HID1: variants seen among roughly 807,000 people sequenced by gnomAD.
The protein encoded by HID1 is HID1 domain containing, also known as protein HID1.
Under a neutral mutation model 89.7 loss-of-function variants are expected in HID1, and 42 were observed. That is an observed-to-expected ratio of 0.47 (90% CI 0.37 to 0.61). The LOEUF (loss-of-function observed/expected upper bound fraction) is 0.61. Among genes scored for constraint, HID1 ranks in the 20% least tolerant of loss-of-function variants. The pLI is 0.00. For missense variants in HID1, 854 were observed against 1,039.3 expected (o/e 0.82, Z 2.45); for synonymous variants, 442 against 433.8 (o/e 1.02, Z -0.24).
rs1435046178 is a variant in HID1, at chr17:74,952,988, C to A, written c.2052+18G>T. On this transcript the variant is annotated intron_variant, in intron 16 of 18. Transcript: ENST00000425042. ...CAAACCCCAGCCCCCGCTCGCCTGG[C>A]ACAGGGTCCCTCCTCACCCACTCTG... 3 of 1,589,576 alleles carry A rather than the reference C, an allele frequency of 1.9e-6. No individual in the cohort carries two copies. Among genetic ancestry groups the A allele is most frequent in the South Asian group, 2.3e-5 (2 of 87,636 alleles).
At chr17:74,965,562 TC>T (rs1356824612) in intron 1 of HID1, among the ~76,000 whole-genome samples, 15 of 152,062 alleles carry the variant, frequency 9.9e-5, no homozygotes, top group Admixed American at 1.3e-4. Context: ...TCTTCCCCCT[TC>T]CCCTTTTCCC....
chr17:74,966,393 CAT>C (rs150349239), intron 1 of HID1, among the ~76,000 whole-genome samples: 6,424 of 151,582 alleles, frequency 0.042, 396 homozygotes, highest in African/African-American at 0.14. Context: ...TGTAAGAGCA[CAT>C]GTTACTATTT....
In HID1 at chr17:74,962,979, G is replaced by A. The variant is rs200188260; in HGVS notation, c.490C>T (p.Arg164Trp). 627 of 1,612,118 alleles carry A rather than the reference G, an allele frequency of 3.9e-4. 1 individual carries two copies. The highest frequency in any genetic ancestry group is 4.5e-4 in the Non-Finnish European group (528 of 1,178,706). Residue 164 changes from arginine (R) to tryptophan (W), a missense_variant, in exon 4 of 19, where the codon CGG (arginine) becomes TGG (tryptophan). Arg to Trp is a moderately radical substitution (Grantham distance 101). Coordinates refer to ENST00000425042, the MANE Select transcript of HID1 (RefSeq NM_030630.3). This position sits in a 1 kb window ranked among gnomAD's most constrained non-coding sequence, Gnocchi z 4.3. ...GGGACACTCACCACAGTGCTCCTCC[G>A]GTGGCTCTGAACCGTGAAGTCCGGG... ...FCPDFTVQSHRRSTVDSAEDV... is the reference protein window; with the variant it reads ...FCPDFTVQSHWRSTVDSAEDV...
In HID1 at chr17:74,953,032, C is replaced by T; in HGVS notation, c.2026G>A (p.Gly676Arg). The change falls in exon 16 of 19, where the codon GGG (glycine) becomes AGG (arginine). Residue 676 changes from glycine to arginine, a missense_variant. Transcript: ENST00000425042. ...CACTCTGGCGTTGGGCTCCACTGCC[C>T]ACTGGCTGATGAGGTGGACGGTCGC... ...QRRPSTSSAS[G>R]QWSPTPEWVL... The T allele has an allele frequency of 1.9e-6, 3 of 1,609,320 alleles. No homozygotes were observed. The highest frequency in any genetic ancestry group is 1.1e-5 in the South Asian group (1 of 90,138).
Position 74,964,727 on chromosome 17 carries a change from G to A in HID1, c.67-95C>T. On this transcript the variant is annotated intron_variant, in intron 1 of 18. Coordinates refer to ENST00000425042, the MANE Select transcript of HID1 (RefSeq NM_030630.3). ...GGCCAGGAGAGACCCTGAGAGGGAA[G>A]CCAGAGTCCCCCTACCTGCTGGGGT... 5 of 1,319,290 alleles carry A rather than the reference G, an allele frequency of 3.8e-6. 1 individual carries two copies. In the South Asian group the frequency reaches 7.0e-5, roughly 19 times the overall value. The allele number at this position is 1,319,290 out of a possible 1,614,324, so 81.7% of individuals were successfully genotyped here.
chr17:74,964,939 C>A (rs1050412171), intron 1 of HID1, among the ~76,000 whole-genome samples: 1 of 152,234 alleles, frequency 6.6e-6, no homozygotes, highest in Non-Finnish European at 1.5e-5. Flanking sequence ...CCTGGCAAAG[C>A]AGGCTGACCT....
Position 74,960,935 on chromosome 17 carries a change from C to T in HID1, c.729-687G>A, listed in dbSNP as rs560096289. Among the ~76,000 whole-genome samples the T allele has an allele frequency of 2.6e-5, 4 of 152,262 alleles. No homozygotes were observed. In the East Asian group the frequency reaches 5.8e-4, roughly 22 times the overall value. On this transcript the variant is annotated intron_variant, in intron 6 of 18. Transcript: ENST00000425042. ...CAACTCTGCCACGTGGCACGTGTGACACCCTCCCCCCACCCCGTGCTCACG... is the reference window on the plus strand; with the variant it reads ...CAACTCTGCCACGTGGCACGTGTGATACCCTCCCCCCACCCCGTGCTCACG...
intron 13 of HID1, 162 bp from the exon 14 acceptor site, chr17:74,954,527 C>G (rs2039359328): frequency 9.6e-6 from 12 of 1,248,418 alleles, no homozygotes; most frequent in Non-Finnish European, 1.3e-5. Context: ...TGGGGCAGGG[C>G]TGGCACTGGC....
At position 74,954,264 on chromosome 17, in the gene HID1, G is replaced by C. The variant is rs755371574; in HGVS notation, c.1738C>G (p.Arg580Gly). Residue 580 changes from arginine (R) to glycine (G), a missense_variant, in exon 14 of 19, where the codon CGG becomes GGG. Physicochemically the swap from Arg to Gly is moderately radical, Grantham distance 125. Transcript: ENST00000425042. Reference sequence around the variant, plus strand: ...AAGGGCTCAGGTGTCCGCCGGCGCCGCTGCAGGGCCTTGTGAATGGTGGGC... The same window carrying C: ...AAGGGCTCAGGTGTCCGCCGGCGCCCCTGCAGGGCCTTGTGAATGGTGGGC... ...DPPTIHKALQRRRRTPEPLSR... is the reference protein window; with the variant it reads ...DPPTIHKALQGRRRTPEPLSR... The C allele has an allele frequency of 6.3e-7, 1 of 1,587,150 alleles. No individual in the cohort carries two copies. The highest frequency in any genetic ancestry group is 8.6e-7 in the Non-Finnish European group (1 of 1,167,562).
In HID1 at chr17:74,951,003, C is replaced by CCA. The variant is rs981971361; in HGVS notation, c.*565_*566dup. 1.3e-5 allele frequency: 2 copies of CCA among 153,716 alleles called. No individual in the cohort carries two copies. The highest frequency in any genetic ancestry group is 2.9e-5 in the Non-Finnish European group (2 of 69,184). 9.5% of individuals were successfully genotyped at this position (153,716 alleles called of 1,614,324 possible). On this transcript the variant is annotated 3_prime_UTR_variant, in exon 19 of 19. Transcript: ENST00000425042. Reference sequence around the variant, plus strand: ...AATATAGCAGGAGACCCTCACCACCCCACACCATGCCCCAAGGATACGGGA... The same window carrying CCA: ...AATATAGCAGGAGACCCTCACCACCCCACACACCATGCCCCAAGGATACGGGA...
chr17:74,951,946 G>A lies in HID1; in HGVS notation c.2262C>T (p.Ala754=). 1 of 1,558,708 alleles carries A rather than the reference G, an allele frequency of 6.4e-7. No individual in the cohort carries two copies. Among genetic ancestry groups the A allele is most frequent in the Non-Finnish European group, 8.7e-7 (1 of 1,151,996 alleles). Residue 754 remains alanine, a synonymous_variant, in exon 18 of 19, where the codon GCC becomes GCT. Transcript: ENST00000425042. The part of the protein sequence containing the change: ...IRKYQANSGT[A]MWFRTYMWGV... ...CCCACATGTAGGTGCGGAACCACATGGCAGTGCCCGAGTTGGCCTGGTACT... is the reference window on the plus strand; with the variant it reads ...CCCACATGTAGGTGCGGAACCACATAGCAGTGCCCGAGTTGGCCTGGTACT...
intron 12 of HID1, among the ~76,000 whole-genome samples, chr17:74,956,431 G>C (rs1436418414): frequency 6.6e-6 from 1 of 152,178 alleles, no homozygotes; most frequent in Admixed American, 6.5e-5. Context: ...AACCCTGGGG[G>C]CACACCCAGA....
In HID1 at chr17:74,955,907, C is replaced by G. The variant is rs1053774205; in HGVS notation, c.1521G>C (p.Leu507=). 1 of 1,614,114 alleles carries G rather than the reference C, an allele frequency of 6.2e-7. No individual in the cohort carries two copies. The highest frequency in any genetic ancestry group is 8.5e-7 in the Non-Finnish European group (1 of 1,179,984). Reference sequence around the variant, plus strand: ...TGGTGGAGAAGGCCTCCAGCAGGTGCAGCAACTTGTTGGCAGTCACCATGG... The same window carrying G: ...TGGTGGAGAAGGCCTCCAGCAGGTGGAGCAACTTGTTGGCAGTCACCATGG... ...SLSMVTANKL[L]HLLEAFSTTW... is the part of the protein sequence containing the mutation. Residue 507 remains leucine (L), a synonymous_variant, in exon 13 of 19, where the codon CTG becomes CTC. Coordinates refer to ENST00000425042, the MANE Select transcript of HID1 (RefSeq NM_030630.3).
chr17:74,962,054 A>T lies in HID1; in HGVS notation c.612-65T>A, dbSNP rs2039489673. The T allele has an allele frequency of 3.8e-6, 5 of 1,300,778 alleles. No individual in the cohort carries two copies. The allele number at this position is 1,300,778 out of a possible 1,614,324, so 80.6% of individuals were successfully genotyped here. The stretch of plus-strand genomic sequence containing the variant: ...CCCCTCTTGGAGGTTCTGCCCACCC[A>T]GCCCAGCGCCCCAGCCCAGGTCCAT... On this transcript the variant is annotated intron_variant, in intron 5 of 18. Coordinates refer to ENST00000425042, the MANE Select transcript of HID1 (RefSeq NM_030630.3). This position sits in a 1 kb window ranked among gnomAD's most constrained non-coding sequence, Gnocchi z 4.3.
Position 74,962,084 on chromosome 17 carries a change from G to T in HID1, c.612-95C>A. On this transcript the variant is annotated intron_variant, in intron 5 of 18. Coordinates refer to ENST00000425042, the MANE Select transcript of HID1 (RefSeq NM_030630.3). This position sits in a 1 kb window ranked among gnomAD's most constrained non-coding sequence, Gnocchi z 4.3. The stretch of plus-strand genomic sequence containing the variant: ...AGCGCCCCAGCCCAGGTCCATGGAA[G>T]GAAGTTACTCCCGTTGACCCCTGTA... 1.7e-6 allele frequency: 2 copies of T among 1,148,538 alleles called. No individual in the cohort carries two copies. The highest frequency in any genetic ancestry group is 2.4e-6 in the Non-Finnish European group (2 of 819,604). 71.1% of individuals were successfully genotyped at this position (1,148,538 alleles called of 1,614,324 possible). A position where few individuals can be genotyped will look rare whatever the true frequency, so the allele number is the denominator to read the frequency against.
intron 1 of HID1, among the ~76,000 whole-genome samples, chr17:74,967,650 G>A (rs1282376988): frequency 9.9e-5 from 15 of 151,976 alleles, no homozygotes; most frequent in Non-Finnish European, 4.4e-5. Flanking sequence ...AGGAGTTTGA[G>A]ACCAGCCTGA....
Position 74,962,172 on chromosome 17 carries a change from T to TGTGCGGGGGCCCG in HID1, c.611+49_611+61dup. On this transcript the variant is annotated intron_variant, in intron 5 of 18. Transcript: ENST00000425042. The surrounding 1 kb of genome is among the most constrained non-coding windows in gnomAD (Gnocchi z 4.3). ...GGAAGACCCCATGGGCTTTCTGAGC[T>TGTGCGGGGGCCCG]GTGCGGGGGCCCGGCCCGGGGTCCA... 1 of 1,401,900 alleles carries TGTGCGGGGGCCCG rather than the reference T, an allele frequency of 7.1e-7. No individual in the cohort carries two copies. The highest frequency in any genetic ancestry group is 1.4e-5 in the African/African-American group (1 of 70,092). The allele number at this position is 1,401,900 out of a possible 1,614,324, so 86.8% of individuals were successfully genotyped here. A position where few individuals can be genotyped will look rare whatever the true frequency, so the allele number is the denominator to read the frequency against.
chr17:74,951,781 G>GCAA, intron 18 of HID1, 124 bp downstream of exon 18: 1 of 1,365,940 alleles, frequency 7.3e-7, no homozygotes, highest in East Asian at 2.5e-5. Context: ...ACCAGGCAAG[G>GCAA]CCGCCTTAGT....
At chr17:74,971,064 G>A (rs1567967400) in intron 1 of HID1, among the ~76,000 whole-genome samples, 1 of 152,238 alleles carries the variant, frequency 6.6e-6, no homozygotes, top group Non-Finnish European at 1.5e-5. Context: ...GAGGGACACA[G>A]TATTTTGGGG....
Sources: allele counts gnomAD v4.1 joint callset (sites outside exome capture counted in the v4.1 genomes callset), GRCh38; gene constraint gnomAD v4.1.1; non-coding constraint Gnocchi (gnomAD v3.1); transcripts MANE v1.5; gene names NCBI Gene and HGNC (gene_info 2026-07-23, HGNC 2026-07-21).